The following RALYL variants were observed in gnomAD, a reference collection of about 807,000 sequenced individuals.
RALYL encodes RNA-binding Raly-like protein.
Under a neutral mutation model 35.1 loss-of-function variants are expected in RALYL, and 29 were observed. That is an observed-to-expected ratio of 0.83 (90% CI 0.61 to 1.13). The LOEUF (loss-of-function observed/expected upper bound fraction) is 1.13, where lower values mean the gene tolerates loss of function less well. Among genes scored for constraint, RALYL ranks in the 50% most tolerant of loss-of-function variants. The probability of loss-of-function intolerance (pLI) is 0.00; values close to 1 mark genes in which losing one functional copy is unlikely to be tolerated. For synonymous variants in RALYL, 120 were observed against 127.6 expected (o/e 0.94, Z 0.40); for missense variants, 359 against 360.4 (o/e 1.00, Z 0.03).
At chr8:84,507,942 T>A (rs2057312506) in intron 1 of RALYL, among the ~76,000 whole-genome samples, 1 of 152,248 alleles carries the variant, frequency 6.6e-6, no homozygotes, top group African/African-American at 2.4e-5. Context: ...AATGAGTTGA[T>A]AGCTGGAAGT....
chr8:84,651,476 G>A (rs1588764071), intron 2 of RALYL, among the ~76,000 whole-genome samples: 1 of 151,836 alleles, frequency 6.6e-6, no homozygotes, highest in African/African-American at 2.4e-5. Context: ...CTGAAACACA[G>A]AAATTTACTT....
At chr8:84,197,070 G>A (rs571143837) in intron 1 of RALYL, among the ~76,000 whole-genome samples, 2 of 152,246 alleles carry the variant, frequency 1.3e-5, no homozygotes, top group African/African-American at 4.8e-5. Flanking sequence ...AACTATCCAT[G>A]GCCTTGCAGA....
intron 2 of RALYL, among the ~76,000 whole-genome samples, chr8:84,757,204 C>G (rs1811634326): frequency 6.6e-6 from 1 of 152,030 alleles, no homozygotes; most frequent in African/African-American, 2.4e-5. Context: ...TAATTAAACT[C>G]AGGCCTGATA....
At chr8:84,823,324 T>C (rs942052936) in intron 4 of RALYL, among the ~76,000 whole-genome samples, 4 of 152,120 alleles carry the variant, frequency 2.6e-5, no homozygotes, top group Non-Finnish European at 2.9e-5. Flanking sequence ...ATATAAGGCA[T>C]TGCTTGGGAA....
chr8:84,514,845 G>A (rs1250765064), intron 1 of RALYL, among the ~76,000 whole-genome samples: 1 of 130,138 alleles, frequency 7.7e-6, no homozygotes, highest in Non-Finnish European at 1.7e-5. Context: ...TTTTGCAGGT[G>A]CTAGTATTAT....
chr8:84,192,913 G>A (rs1299957586), intron 1 of RALYL, among the ~76,000 whole-genome samples: 1 of 144,810 alleles, frequency 6.9e-6, no homozygotes, highest in Admixed American at 6.9e-5. Flanking sequence ...GTGTGGGGGG[G>A]GGGGTTGTGT....
At chr8:84,697,842 C>A (rs1162831250) in intron 2 of RALYL, among the ~76,000 whole-genome samples, 1 of 152,000 alleles carries the variant, frequency 6.6e-6, no homozygotes, top group Non-Finnish European at 1.5e-5. Flanking sequence ...ACACTGTATT[C>A]TTTTTCTGGA....
intron 1 of RALYL, among the ~76,000 whole-genome samples, chr8:84,476,829 G>T (rs535094624): frequency 6.6e-6 from 1 of 152,172 alleles, no homozygotes; most frequent in Non-Finnish European, 1.5e-5. Context: ...TAATTCAATT[G>T]TGAATATTTT....
intron 2 of RALYL, among the ~76,000 whole-genome samples, chr8:84,671,997 A>T (rs565776722): frequency 7.9e-4 from 120 of 152,302 alleles, no homozygotes; most frequent in Middle Eastern, 3.4e-3. Flanking sequence ...CCTTTTAAAC[A>T]TTCCAAACAT....
rs764132334 is a variant in RALYL, at chr8:84,862,429, G to A, written c.547G>A (p.Ala183Thr). 1 of 1,604,046 alleles carries A rather than the reference G, an allele frequency of 6.2e-7. No individual in the cohort carries two copies. Among genetic ancestry groups the A allele is most frequent in the South Asian group, 1.1e-5 (1 of 89,188 alleles). Residue 183 changes from alanine to threonine, a missense_variant, in exon 6 of 9, where the codon GCC (alanine) becomes ACC (threonine). Transcript: ENST00000521268. ...CATGAAAGGTGGATCGAGATCTACTGCCAGTGGGTCAACAGGTTCTAAATG... is the reference window on the plus strand; with the variant it reads ...CATGAAAGGTGGATCGAGATCTACTACCAGTGGGTCAACAGGTTCTAAATG... ...FSMKGGSRST[A>T]SGSTGSKLKS... is the part of the protein sequence containing the mutation.
At chr8:84,433,827 GTGTGTATGTGTGTGTGTA>G (rs2047403774) in intron 1 of RALYL, among the ~76,000 whole-genome samples, 1 of 109,730 alleles carries the variant, frequency 9.1e-6, no homozygotes, top group African/African-American at 4.1e-5. Flanking sequence ...GTGTGTGTGT[GTGTGTATGTGTGTGTGTA>G]TATATATATA....
intron 3 of RALYL, among the ~76,000 whole-genome samples, chr8:84,803,129 A>T (rs1823746109): frequency 6.6e-6 from 1 of 152,232 alleles, no homozygotes; most frequent in South Asian, 2.1e-4. Flanking sequence ...AAACAAGCAA[A>T]TCACACACAT....
At chr8:84,479,947 T>A (rs1257870817) in intron 1 of RALYL, among the ~76,000 whole-genome samples, 2 of 152,076 alleles carry the variant, frequency 1.3e-5, no homozygotes, top group African/African-American at 4.8e-5. Flanking sequence ...AAATTAAAAA[T>A]TGCTTCCTGA....
chr8:84,203,772 G>A (rs193047795), intron 1 of RALYL, among the ~76,000 whole-genome samples: 156 of 152,124 alleles, frequency 1.0e-3, no homozygotes, highest in Non-Finnish European at 1.5e-3. Flanking sequence ...TTAAAGATAG[G>A]TATTGTGAAA....
intron 1 of RALYL, among the ~76,000 whole-genome samples, chr8:84,216,884 T>C (rs891198095): frequency 6.6e-6 from 1 of 152,162 alleles, no homozygotes; most frequent in African/African-American, 2.4e-5. Flanking sequence ...CTGACATCAT[T>C]TCCCTATTTG....
At chr8:84,310,454 G>T (rs1842557488) in intron 1 of RALYL, among the ~76,000 whole-genome samples, 1 of 151,176 alleles carries the variant, frequency 6.6e-6, no homozygotes, top group Non-Finnish European at 1.5e-5. Context: ...AATAAAAGAT[G>T]AAAAAGCAAA....
At chr8:84,530,278 G>A (rs1007980758) in intron 2 of RALYL, among the ~76,000 whole-genome samples, 2 of 151,838 alleles carry the variant, frequency 1.3e-5, no homozygotes, top group Non-Finnish European at 2.9e-5. Context: ...AAAAAAATAT[G>A]GTTAATATAT....
At chr8:84,319,254 A>G (rs547607356) in intron 1 of RALYL, among the ~76,000 whole-genome samples, 55 of 152,288 alleles carry the variant, frequency 3.6e-4, no homozygotes, top group African/African-American at 1.3e-3. Context: ...GTACTTATTC[A>G]TAATGCTAAG....
intron 2 of RALYL, among the ~76,000 whole-genome samples, chr8:84,742,904 T>C (rs1475083658): frequency 1.3e-5 from 2 of 151,998 alleles, no homozygotes; most frequent in African/African-American, 4.8e-5. Context: ...GGAACAATAG[T>C]TGAAAGCAGA....
Sources: gnomAD v4.1 joint callset for allele counts (sites outside exome capture counted in the v4.1 genomes callset) on GRCh38, gnomAD v4.1.1 for gene constraint, MANE v1.5 for transcripts, NCBI Gene and HGNC (gene_info 2026-07-23, HGNC 2026-07-21) for gene names.